NRXN3: variants seen among roughly 807,000 people sequenced by gnomAD.
The protein encoded by NRXN3 is neurexin III.
Under a neutral mutation model 137.6 loss-of-function variants are expected in NRXN3, and 32 were observed. The observed-to-expected ratio is 0.23, with a 90% CI of 0.18 to 0.31. The LOEUF (loss-of-function observed/expected upper bound fraction) is 0.31. NRXN3 is among the 10% of genes least tolerant of loss of function. The pLI is 1.00. For missense variants in NRXN3, 1,574 were observed against 2,062.5 expected (o/e 0.76, Z 4.59); for synonymous variants, 798 against 784.5 (o/e 1.02, Z -0.29).
At chr14:79,155,544 G>A (rs1255691823) in intron 15 of NRXN3, among the ~76,000 whole-genome samples, 1 of 151,360 alleles carries the variant, frequency 6.6e-6, no homozygotes, top group Non-Finnish European at 1.5e-5. Context: ...TATTTATTTT[G>A]AAAGCAAAAT....
intron 15 of NRXN3, among the ~76,000 whole-genome samples, chr14:79,153,260 A>G (rs939571652): frequency 6.6e-6 from 1 of 151,962 alleles, no homozygotes; most frequent in Non-Finnish European, 1.5e-5. Flanking sequence ...ACATTTATCC[A>G]TTTTCATAAA....
chr14:78,808,954 T>A (rs1425777856), intron 9 of NRXN3, among the ~76,000 whole-genome samples: 1 of 149,734 alleles, frequency 6.7e-6, no homozygotes, highest in Non-Finnish European at 1.5e-5. Context: ...TTTCTTCCTT[T>A]AAAAAAAAAA....
At chr14:78,748,747 G>C (rs2098626425) in intron 8 of NRXN3, among the ~76,000 whole-genome samples, 1 of 152,178 alleles carries the variant, frequency 6.6e-6, no homozygotes. Flanking sequence ...TCAAATACCT[G>C]TCTATGCACT....
intron 15 of NRXN3, among the ~76,000 whole-genome samples, chr14:79,242,093 A>G (rs896137902): frequency 2.6e-5 from 4 of 152,060 alleles, no homozygotes; most frequent in Non-Finnish European, 5.9e-5. Flanking sequence ...AATGCTCAAA[A>G]CAACCCTATC....
rs1334599760 is a variant in NRXN3, at chr14:79,642,112, C to A, written c.3445-21666C>A. ...TGGACAAATTAAAGCCTATTGATGA[C>A]TTTATTAAAGCAGGGTATTTACCAC... On this transcript the variant is annotated intron_variant, in intron 16 of 20. Coordinates refer to ENST00000335750, the MANE Select transcript of NRXN3 (RefSeq NM_001330195.2). Among the ~76,000 whole-genome samples, 8 of 135,604 alleles carry A rather than the reference C, an allele frequency of 5.9e-5. 4 individuals are homozygous for A. The highest frequency in any genetic ancestry group is 3.4e-5 in the Non-Finnish European group (2 of 58,306). 89.0% of individuals were successfully genotyped at this position (135,604 alleles called of 152,430 possible). A position where few individuals can be genotyped will look rare whatever the true frequency, so the allele number is the denominator to read the frequency against.
intron 16 of NRXN3, among the ~76,000 whole-genome samples, chr14:79,506,928 C>T (rs767315466): frequency 4.7e-4 from 72 of 152,084 alleles, no homozygotes; most frequent in Non-Finnish European, 4.4e-4. Context: ...ATCTTTCCTG[C>T]CTAATCTGAC....
At chr14:78,946,069 A>G (rs909754062) in intron 10 of NRXN3, among the ~76,000 whole-genome samples, 5 of 152,250 alleles carry the variant, frequency 3.3e-5, no homozygotes, top group African/African-American at 1.2e-4. Context: ...AATATTGTCA[A>G]AAATAATGTA....
intron 16 of NRXN3, among the ~76,000 whole-genome samples, chr14:79,609,966 G>A (rs2098078995): frequency 6.6e-6 from 1 of 152,014 alleles, no homozygotes; most frequent in South Asian, 2.1e-4. Flanking sequence ...GAGGTTGGGG[G>A]AGGGATAGCA....
chr14:79,673,757 G>A (rs2098624962), intron 17 of NRXN3, among the ~76,000 whole-genome samples: 1 of 152,080 alleles, frequency 6.6e-6, no homozygotes, highest in Non-Finnish European at 1.5e-5. Context: ...CTCAAGTGTA[G>A]TTGAAGAGAA....
At chr14:79,608,536 C>T (rs2098053617) in intron 16 of NRXN3, among the ~76,000 whole-genome samples, 1 of 152,140 alleles carries the variant, frequency 6.6e-6, no homozygotes, top group African/African-American at 2.4e-5. Context: ...ACTGTGTCAC[C>T]ATTTTTAGTA....
At chr14:78,746,277 G>A (rs1446662666) in intron 8 of NRXN3, among the ~76,000 whole-genome samples, 4 of 152,170 alleles carry the variant, frequency 2.6e-5, no homozygotes, top group Non-Finnish European at 5.9e-5. Context: ...GGCATAGGCT[G>A]GTGGCGTCAT....
chr14:78,603,640 T>A (rs2097220411), intron 4 of NRXN3, among the ~76,000 whole-genome samples: 1 of 152,238 alleles, frequency 6.6e-6, no homozygotes, highest in Admixed American at 6.5e-5. Context: ...GCGGTTGCCT[T>A]ACACATGTTC....
At chr14:79,102,259 T>G (rs2051464928) in intron 15 of NRXN3, among the ~76,000 whole-genome samples, 2 of 152,192 alleles carry the variant, frequency 1.3e-5, no homozygotes, top group South Asian at 4.1e-4. Context: ...TTTAACCTAA[T>G]TCCCCTCTGT....
chr14:78,273,786 T>C (rs1464291352), intron 2 of NRXN3, among the ~76,000 whole-genome samples: 3 of 152,242 alleles, frequency 2.0e-5, no homozygotes, highest in African/African-American at 4.8e-5. Context: ...GGTGGCATTT[T>C]CCCCTGTGCC....
At chr14:79,380,902 T>C (rs1459775409) in intron 15 of NRXN3, among the ~76,000 whole-genome samples, 1 of 152,066 alleles carries the variant, frequency 6.6e-6, no homozygotes, top group Non-Finnish European at 1.5e-5. Flanking sequence ...TGTGTGCAGG[T>C]CATGCTAAGT....
intron 15 of NRXN3, among the ~76,000 whole-genome samples, chr14:79,209,514 A>G (rs1415234101): frequency 2.6e-5 from 4 of 152,152 alleles, no homozygotes; most frequent in Non-Finnish European, 4.4e-5. Flanking sequence ...TGTCACTGAG[A>G]TCATTAAGGT....
intron 15 of NRXN3, among the ~76,000 whole-genome samples, chr14:79,398,145 G>A (rs2370978): frequency 1.3e-5 from 2 of 151,862 alleles, no homozygotes; most frequent in East Asian, 1.9e-4. Context: ...CCATCCACCC[G>A]CTAACTCCAA....
intron 10 of NRXN3, among the ~76,000 whole-genome samples, chr14:78,855,048 C>T (rs2099053110): frequency 1.3e-5 from 2 of 151,928 alleles, no homozygotes; most frequent in South Asian, 4.2e-4. Flanking sequence ...CCTGTAGTCC[C>T]AGCTACTCGG....
chr14:79,096,480 T>C (rs1168359510), intron 15 of NRXN3, among the ~76,000 whole-genome samples: 1 of 152,196 alleles, frequency 6.6e-6, no homozygotes, highest in East Asian at 1.9e-4. Flanking sequence ...AATTTTCTTA[T>C]CTTGTTACTT....
Sources: gnomAD v4.1 joint callset for allele counts (sites outside exome capture counted in the v4.1 genomes callset) on GRCh38, gnomAD v4.1.1 for gene constraint, MANE v1.5 for transcripts, NCBI Gene and HGNC (gene_info 2026-07-23, HGNC 2026-07-21) for gene names.